Variants in COL14A1 observed in about 807,000 individuals in gnomAD.
COL14A1 encodes collagen alpha-1(XIV) chain.
A neutral mutation model predicts 230.3 loss-of-function variants in COL14A1; 136 were observed. The observed-to-expected ratio is 0.59, with a 90% CI of 0.51 to 0.68. The LOEUF (loss-of-function observed/expected upper bound fraction) is 0.68, where lower values mean the gene tolerates loss of function less well. Among genes scored for constraint, COL14A1 ranks in the 30% least tolerant of loss-of-function variants. COL14A1 has a pLI of 0.00. For missense variants in COL14A1, 1,976 were observed against 2,215.8 expected, an observed-to-expected ratio of 0.89 and a Z score of 2.17; for synonymous variants, 792 against 784.1, an observed-to-expected ratio of 1.01 and a Z score of -0.17.
intron 5 of COL14A1, among the ~76,000 whole-genome samples, chr8:120,187,772 A>AATCTGT (rs1816692977): frequency 6.6e-6 from 1 of 152,242 alleles, no homozygotes; most frequent in African/African-American, 2.4e-5. Context: ...CTGTGGACAC[A>AATCTGT]GCAGGGGCAA....
chr8:120,214,210 TAATC>T (rs564824400), intron 13 of COL14A1: 127 of 160,716 alleles, frequency 7.9e-4, no homozygotes, highest in East Asian at 3.4e-3. Context: ...TGGAATCAGT[TAATC>T]AATTTTCTAG....
At chr8:120,170,085 T>C (rs1379005208) in intron 5 of COL14A1, among the ~76,000 whole-genome samples, 1 of 152,124 alleles carries the variant, frequency 6.6e-6, no homozygotes, top group Admixed American at 6.5e-5. Context: ...TGTCTCCTTC[T>C]GTACAAGTCG....
intron 36 of COL14A1, among the ~76,000 whole-genome samples, 177 bp downstream of exon 36, chr8:120,300,995 G>A (rs1315606102): frequency 6.6e-6 from 1 of 152,062 alleles, no homozygotes; most frequent in African/African-American, 2.4e-5. Flanking sequence ...TGGAGGAGCT[G>A]GGCTGGGCTT....
chr8:120,195,732 A>G (rs1817015122), intron 5 of COL14A1, among the ~76,000 whole-genome samples: 1 of 152,186 alleles, frequency 6.6e-6, no homozygotes. Flanking sequence ...CTTATTCGCT[A>G]TTCAGAGAAC....
intron 35 of COL14A1, among the ~76,000 whole-genome samples, chr8:120,297,966 G>A (rs536486738): frequency 6.6e-6 from 1 of 151,888 alleles, no homozygotes; most frequent in Non-Finnish European, 1.5e-5. Context: ...CAACTCAGTA[G>A]CCATATAAAA....
At chr8:120,333,789 A>G (rs1201801021) in intron 42 of COL14A1, among the ~76,000 whole-genome samples, 1 of 152,214 alleles carries the variant, frequency 6.6e-6, no homozygotes, top group Non-Finnish European at 1.5e-5. Context: ...GGCCTCCCGT[A>G]GTCCTTGGCT....
chr8:120,254,617 T>C (rs1477853806), intron 22 of COL14A1, among the ~76,000 whole-genome samples: 1 of 152,078 alleles, frequency 6.6e-6, no homozygotes, highest in Non-Finnish European at 1.5e-5. Context: ...GGGTAAGATT[T>C]AAAATTACCC....
In COL14A1 at chr8:120,313,962, C is replaced by T. The variant is rs114758925; in HGVS notation, c.4486C>T (p.Leu1496=). The T allele has an allele frequency of 1.1e-3, 1,708 of 1,612,512 alleles. 1 individual carries two copies. The highest frequency in any genetic ancestry group is 4.2e-3 in the Middle Eastern group (25 of 6,016). ...AGATGGCCCTCGGGGTGAAATTGGT[C>T]TGCCAGGACCTCAGGGTCCACCTGG... ...GPDGPRGEIG[L]PGPQGPPGPQ... Residue 1496 remains leucine (L), a synonymous_variant, in exon 38 of 48, where the codon CTG becomes TTG. Coordinates refer to ENST00000297848, the MANE Select transcript of COL14A1 (RefSeq NM_021110.4).
At chr8:120,355,872 A>G (rs1167594918) in intron 45 of COL14A1, among the ~76,000 whole-genome samples, 3 of 152,222 alleles carry the variant, frequency 2.0e-5, no homozygotes, top group African/African-American at 7.2e-5. Context: ...TATCTGGTTT[A>G]TCTTATAGAA....
intron 5 of COL14A1, among the ~76,000 whole-genome samples, chr8:120,182,131 G>A (rs747337259): frequency 2.6e-5 from 4 of 152,150 alleles, no homozygotes; most frequent in Non-Finnish European, 5.9e-5. Flanking sequence ...TTCTCAACTT[G>A]TGAATTCTCC....
intron 13 of COL14A1, among the ~76,000 whole-genome samples, chr8:120,215,786 T>TG (rs1221491953): frequency 2.0e-5 from 3 of 152,032 alleles, no homozygotes; most frequent in Non-Finnish European, 4.4e-5. Context: ...GACTGATCAG[T>TG]GGGAAGGATA....
chr8:120,136,521 G>C (rs1418147563), intron 1 of COL14A1, among the ~76,000 whole-genome samples: 2 of 151,890 alleles, frequency 1.3e-5, no homozygotes, highest in African/African-American at 4.8e-5. Flanking sequence ...TTACATTCCT[G>C]TAATAAGCTC....
intron 40 of COL14A1, among the ~76,000 whole-genome samples, 154 bp downstream of exon 40, chr8:120,316,151 C>T (rs1281568322): frequency 3.3e-5 from 5 of 152,170 alleles, no homozygotes; most frequent in Admixed American, 1.3e-4. Context: ...TGCACTATTT[C>T]CCTTCACTGA....
Position 120,223,002 on chromosome 8 carries a change from T to C in COL14A1, c.1738-2086T>C, listed in dbSNP as rs1817980433. ...AGGTGATAGTTAAGCATAGTCATGA[T>C]AGAGGAAGAAGGCCTAATTTCGACA... On this transcript the variant is annotated intron_variant, in intron 14 of 47. Coordinates refer to ENST00000297848, the MANE Select transcript of COL14A1 (RefSeq NM_021110.4). Among the ~76,000 whole-genome samples the C allele has an allele frequency of 2.6e-5, 4 of 152,286 alleles. No homozygotes were observed. The South Asian group carries it at 8.3e-4, about 32-fold the overall frequency.
At chr8:120,306,122 A>G (rs975957163) in intron 36 of COL14A1, among the ~76,000 whole-genome samples, 1 of 152,182 alleles carries the variant, frequency 6.6e-6, no homozygotes, top group African/African-American at 2.4e-5. Flanking sequence ...TTCAGTTCAC[A>G]TGTATACTAT....
intron 15 of COL14A1, 96 bp downstream of exon 15, chr8:120,225,310 GA>G (rs1818061604): frequency 9.3e-7 from 1 of 1,076,582 alleles, no homozygotes; most frequent in Admixed American, 2.8e-5. Flanking sequence ...TGATTTTGAA[GA>G]GATTAAATTT....
chr8:120,190,633 T>C (rs1225345298), intron 5 of COL14A1, among the ~76,000 whole-genome samples: 1 of 152,234 alleles, frequency 6.6e-6, no homozygotes, highest in African/African-American at 2.4e-5. Flanking sequence ...CAGCTCCTCT[T>C]TGTACCTCTG....
chr8:120,274,241 T>C (rs938799331), intron 26 of COL14A1, among the ~76,000 whole-genome samples: 10 of 151,850 alleles, frequency 6.6e-5, no homozygotes, highest in African/African-American at 2.4e-4. Flanking sequence ...TATGTTCATC[T>C]CATAGATGCA....
intron 21 of COL14A1, among the ~76,000 whole-genome samples, chr8:120,248,943 T>TTTTTTTG (rs1818848754): frequency 8.0e-6 from 1 of 124,548 alleles, no homozygotes; most frequent in African/African-American, 2.8e-5. Context: ...TTTTTTTTTT[T>TTTTTTTG]GAGACGGAGT....
Sources: allele counts gnomAD v4.1 joint callset (sites outside exome capture counted in the v4.1 genomes callset), GRCh38; gene constraint gnomAD v4.1.1; transcripts MANE v1.5; gene names NCBI Gene and HGNC (gene_info 2026-07-23, HGNC 2026-07-21).